Variants in AGO2 observed in about 807,000 individuals in gnomAD.
The protein encoded by AGO2 is argonaute RISC catalytic component 2.
AGO2 carries 5 observed loss-of-function variants against 102.3 expected under a neutral mutation model. That is an observed-to-expected ratio of 0.05 (90% CI 0.03 to 0.10). The LOEUF is 0.10. Ranked by LOEUF, AGO2 falls within the 10% of genes least tolerant of loss-of-function variation. The pLI is 1.00. For missense variants in AGO2, 541 were observed against 1,183.7 expected, an observed-to-expected ratio of 0.46 and a Z score of 7.97; for synonymous variants, 449 against 473.1, an observed-to-expected ratio of 0.95 and a Z score of 0.66.
intron 2 of AGO2, among the ~76,000 whole-genome samples, chr8:140,581,831 T>C (rs1416813009): frequency 2.0e-5 from 3 of 152,206 alleles, no homozygotes; most frequent in East Asian, 1.9e-4. Context: ...TCCAACTGTT[T>C]AGTTTTACAG....
chr8:140,572,161 T>C (rs1354149044), intron 3 of AGO2: 4 of 152,248 alleles, frequency 2.6e-5, no homozygotes, highest in African/African-American at 9.6e-5. Flanking sequence ...GAAATTTTAT[T>C]ACTTTTTAAA....
intron 1 of AGO2, among the ~76,000 whole-genome samples, chr8:140,609,636 C>G (rs117246097): frequency 0.014 from 2,136 of 152,316 alleles, 27 homozygotes; most frequent in Non-Finnish European, 0.018. Flanking sequence ...GTCTGCCCAT[C>G]CCATCCCCCC....
upstream of AGO2, among the ~76,000 whole-genome samples, chr8:140,638,621 T>A (rs1231720015): frequency 6.6e-6 from 1 of 152,190 alleles, no homozygotes; most frequent in Non-Finnish European, 1.5e-5. Context: ...ATCACCAAAG[T>A]GAAAGTGTAG....
rs577257576 is a variant in AGO2 at position 140,546,503 on chromosome 8, G to A, written c.1748+965C>T. ...GTGCACACAGCAGGGGCTCACCACC[G>A]CCCACTTTCCAAATACAGAGGGTCA... On this transcript the variant is annotated intron_variant, in intron 13 of 18. Transcript: ENST00000220592. Among the ~76,000 whole-genome samples the A allele has an allele frequency of 7.7e-4, 117 of 152,306 alleles. 2 individuals carry two copies. The highest frequency in any genetic ancestry group is 3.4e-3 in the Middle Eastern group (1 of 294).
At position 140,562,539 on chromosome 8, in the gene AGO2, G is replaced by A. The variant is rs149363419; in HGVS notation, c.432C>T (p.His144=). Residue 144 remains histidine, a synonymous_variant, in exon 4 of 19, where the codon CAC becomes CAT. Coordinates refer to ENST00000220592, the MANE Select transcript of AGO2 (RefSeq NM_012154.5). The part of the protein sequence containing the change: ...WVSCVSLQAL[H]DALSGRLPSV... ...TGGGCAGCCGCCCTGAAAGTGCATCGTGTAACGCCTGCAAGCTCACGCAGG... is the reference window on the plus strand; with the variant it reads ...TGGGCAGCCGCCCTGAAAGTGCATCATGTAACGCCTGCAAGCTCACGCAGG... The A allele has an allele frequency of 4.1e-4, 655 of 1,614,114 alleles. 1 individual carries two copies. The African/African-American group carries it at 5.3e-3, about 13-fold the overall frequency.
Position 140,522,696 on chromosome 8 carries a change from C to T in AGO2, c.*9348G>A, listed in dbSNP as rs1379066578. On this transcript the variant is annotated 3_prime_UTR_variant, in exon 19 of 19. Coordinates refer to ENST00000220592, the MANE Select transcript of AGO2 (RefSeq NM_012154.5). ...AGAGAGAGAGAGACAGAGACAGAGA[C>T]AGAGAGAGGGAGGGGGAGGGGGGAG... The T allele has an allele frequency of 9.6e-6, 1 of 103,712 alleles. No individual in the cohort carries two copies. 6.4% of individuals were successfully genotyped at this position (103,712 alleles called of 1,614,324 possible).
Position 140,522,147 on chromosome 8 carries a change from AT to A in AGO2, c.*9896del, listed in dbSNP as rs1474756102. ...TAAAATATGTACTGTTTCATACTGA[AT>A]TTTTTCAATGCATTGGGGTTCAACA... On this transcript the variant is annotated 3_prime_UTR_variant, in exon 19 of 19. Transcript: ENST00000220592. 3.3e-5 allele frequency: 5 copies of A among 152,258 alleles called. No individual in the cohort carries two copies. The East Asian group carries it at 9.6e-4, about 29-fold the overall frequency. The allele number at this position is 152,258 out of a possible 1,614,324, so 9.4% of individuals were successfully genotyped here. A position where few individuals can be genotyped will look rare whatever the true frequency, so the allele number is the denominator to read the frequency against.
At chr8:140,606,388 G>T (rs1335603592) in intron 1 of AGO2, among the ~76,000 whole-genome samples, 1 of 152,218 alleles carries the variant, frequency 6.6e-6, no homozygotes, top group Non-Finnish European at 1.5e-5. Flanking sequence ...GTGACATGAT[G>T]TTTAACAAAT....
At chr8:140,610,279 A>G (rs2074059201) in intron 1 of AGO2, among the ~76,000 whole-genome samples, 1 of 152,020 alleles carries the variant, frequency 6.6e-6, no homozygotes, top group South Asian at 2.1e-4. Context: ...GAAAGGGAGG[A>G]ACACAATCTT....
chr8:140,618,561 A>G (rs1182138157), intron 1 of AGO2, among the ~76,000 whole-genome samples: 1 of 152,230 alleles, frequency 6.6e-6, no homozygotes, highest in Non-Finnish European at 1.5e-5. Context: ...GAAGACATTA[A>G]GTGAAAAGGA....
Position 140,551,058 on chromosome 8 carries a change from C to T in AGO2, c.1403+245G>A, listed in dbSNP as rs143571422. Reference sequence around the variant, plus strand: ...CCTGTTTGGTTTTGTCTACGGTCTGCGTTACTTCTCCATGCTCACTGCGAG... The same window carrying T: ...CCTGTTTGGTTTTGTCTACGGTCTGTGTTACTTCTCCATGCTCACTGCGAG... On this transcript the variant is annotated intron_variant, in intron 11 of 18. Transcript: ENST00000220592. Among the ~76,000 whole-genome samples, 918 of 152,348 alleles carry T rather than the reference C, an allele frequency of 6.0e-3. 2 individuals carry two copies. Among genetic ancestry groups the T allele is most frequent in the Admixed American group, 9.2e-3 (141 of 15,304 alleles).
intron 2 of AGO2, among the ~76,000 whole-genome samples, chr8:140,573,784 AGACT>A (rs2073422458): frequency 6.6e-6 from 1 of 152,220 alleles, no homozygotes; most frequent in Non-Finnish European, 1.5e-5. Flanking sequence ...CTGTGCACAC[AGACT>A]GACAGGTGTG....
At position 140,527,769 on chromosome 8, in the gene AGO2, A is replaced by C. The variant is rs2072529974; in HGVS notation, c.*4275T>G. ...GAGAGATGGGTCAGAGAGAGGTCAC[A>C]GGAAAATGTCGTATGGCTTGTCTGG... On this transcript the variant is annotated 3_prime_UTR_variant, in exon 19 of 19. Coordinates refer to ENST00000220592, the MANE Select transcript of AGO2 (RefSeq NM_012154.5). The surrounding 1 kb of genome is among the most constrained non-coding windows in gnomAD (Gnocchi z 6.0). The C allele has an allele frequency of 6.6e-6, 1 of 152,300 alleles. No individual in the cohort carries two copies. 9.4% of individuals were successfully genotyped at this position (152,300 alleles called of 1,614,324 possible). A position where few individuals can be genotyped will look rare whatever the true frequency, so the allele number is the denominator to read the frequency against.
rs187890237 is a variant in AGO2 at position 140,601,125 on chromosome 8, A to C, written c.23-15814T>G. Among the ~76,000 whole-genome samples the C allele has an allele frequency of 4.9e-3, 751 of 152,282 alleles. 6 individuals are homozygous for C. Among genetic ancestry groups the C allele is most frequent in the African/African-American group, 0.017 (707 of 41,548 alleles). On this transcript the variant is annotated intron_variant, in intron 1 of 18. Coordinates refer to ENST00000220592, the MANE Select transcript of AGO2 (RefSeq NM_012154.5). ...TCATCCCTCCACTCTCAAGTTCCCCAGTGGCATCTCATCTGCACCTGGAGA... is the reference window on the plus strand; with the variant it reads ...TCATCCCTCCACTCTCAAGTTCCCCCGTGGCATCTCATCTGCACCTGGAGA...
At chr8:140,587,207 G>A (rs1042696647) in intron 1 of AGO2, among the ~76,000 whole-genome samples, 3 of 152,290 alleles carry the variant, frequency 2.0e-5, no homozygotes, top group South Asian at 2.1e-4. Context: ...AAACCTGCAC[G>A]CAGCCTGGTA....
chr8:140,594,127 G>A (rs1431988109), intron 1 of AGO2, among the ~76,000 whole-genome samples: 3 of 152,170 alleles, frequency 2.0e-5, no homozygotes, highest in South Asian at 2.1e-4. Context: ...CTCGTCTTCA[G>A]AAGAGGGCAG....
chr8:140,539,885 G>A lies in AGO2; in HGVS notation c.2035-431C>T, dbSNP rs772223800. The stretch of plus-strand genomic sequence containing the variant: ...GGGCGGATCACAAGATCAAGAGATC[G>A]AGATCATCCTGGCCAACATGGTGAA... On this transcript the variant is annotated intron_variant, in intron 15 of 18. Transcript: ENST00000220592. The surrounding 1 kb of genome is among the most constrained non-coding windows in gnomAD (Gnocchi z 4.7). Among the ~76,000 whole-genome samples the A allele has an allele frequency of 4.6e-5, 7 of 152,166 alleles. No individual in the cohort carries two copies. Among genetic ancestry groups the A allele is most frequent in the East Asian group, 1.9e-4 (1 of 5,178 alleles).
chr8:140,615,482 C>G (rs544872405), intron 1 of AGO2, among the ~76,000 whole-genome samples: 25 of 152,350 alleles, frequency 1.6e-4, no homozygotes, highest in Middle Eastern at 3.4e-3. Context: ...ACACAGCCCG[C>G]TCAGAGCCCT....
In AGO2 at chr8:140,557,647, G is replaced by A. The variant is rs1336600126; in HGVS notation, c.879-411C>T. The stretch of plus-strand genomic sequence containing the variant: ...AGGACAGGACGAGGAAAGCAGGCCA[G>A]GCCGGTTCCGGCCGCACGGTGACGG... On this transcript the variant is annotated intron_variant, in intron 7 of 18. Transcript: ENST00000220592. This position sits in a 1 kb window ranked among gnomAD's most constrained non-coding sequence, Gnocchi z 5.9. Among the ~76,000 whole-genome samples the A allele has an allele frequency of 1.3e-5, 2 of 152,236 alleles. No individual in the cohort carries two copies. Among genetic ancestry groups the A allele is most frequent in the Admixed American group, 1.3e-4 (2 of 15,278 alleles).
Sources: allele counts gnomAD v4.1 joint callset (sites outside exome capture counted in the v4.1 genomes callset), GRCh38; gene constraint gnomAD v4.1.1; non-coding constraint Gnocchi (gnomAD v3.1); transcripts MANE v1.5; gene names NCBI Gene and HGNC (gene_info 2026-07-23, HGNC 2026-07-21).